MAP3K10: variants seen among roughly 807,000 people sequenced by gnomAD.
The protein encoded by MAP3K10 is mitogen-activated protein kinase kinase kinase 10.
A neutral mutation model predicts 75.0 loss-of-function variants in MAP3K10; 22 were observed. The ratio of observed to expected loss-of-function variants is 0.29; its 90% CI spans 0.21 to 0.42. The LOEUF (loss-of-function observed/expected upper bound fraction) is 0.42. MAP3K10 is among the 10% of genes least tolerant of loss of function. The probability of loss-of-function intolerance (pLI) is 1.00; values close to 1 mark genes in which losing one functional copy is unlikely to be tolerated. For synonymous variants in MAP3K10, 599 were observed against 612.9 expected (o/e 0.98, Z 0.34); for missense variants, 1,165 against 1,379.8 (o/e 0.84, Z 2.47).
At position 40,213,169 on chromosome 19, in the gene MAP3K10, T is replaced by C. The variant is rs1129156; in HGVS notation, c.1818T>C (p.Phe606=). Residue 606 remains phenylalanine (F), a synonymous_variant, in exon 8 of 10, where the codon TTT becomes TTC. Transcript: ENST00000253055. The surrounding 1 kb of genome is among the most constrained non-coding windows in gnomAD (Gnocchi z 5.7). ...AACACACACCCATCGCCCCTGGCTT[T>C]GCCAGCCTCAATGAGATGGGTAAGA... ...SPKHTPIAPG[F]ASLNEMEEFA... 1,163,953 of 1,582,998 alleles carry C rather than the reference T, an allele frequency of 0.74. 428,731 individuals are homozygous for C. The highest frequency in any genetic ancestry group is 0.81 in the African/African-American group (60,265 of 74,722).
Position 40,204,176 on chromosome 19 carries a change from G to T in MAP3K10, c.864-309G>T, listed in dbSNP as rs1056462100. 1.2e-4 allele frequency among the ~76,000 whole-genome samples: 19 copies of T among 152,318 alleles called. No homozygotes were observed. Among genetic ancestry groups the T allele is most frequent in the Middle Eastern group, 3.4e-3 (1 of 294 alleles). Reference sequence around the variant, plus strand: ...GTTTGAGACCAGCCTGGGCAACATAGTGAGACCTCCATCTCTACAAAAATA... The same window carrying T: ...GTTTGAGACCAGCCTGGGCAACATATTGAGACCTCCATCTCTACAAAAATA... On this transcript the variant is annotated intron_variant, in intron 2 of 9. Transcript: ENST00000253055. This position sits in a 1 kb window ranked among gnomAD's most constrained non-coding sequence, Gnocchi z 4.3.
Position 40,212,399 on chromosome 19 carries a change from A to G in MAP3K10, c.1553-406A>G, listed in dbSNP as rs985904308. On this transcript the variant is annotated intron_variant, in intron 6 of 9. Transcript: ENST00000253055. This position sits in a 1 kb window ranked among gnomAD's most constrained non-coding sequence, Gnocchi z 4.2. Reference sequence around the variant, plus strand: ...GCAGGGGACACAGAGACAAATACCCATACCATGGCAGCAAACACTGGCACC... The same window carrying G: ...GCAGGGGACACAGAGACAAATACCCGTACCATGGCAGCAAACACTGGCACC... Among the ~76,000 whole-genome samples the G allele has an allele frequency of 1.1e-4, 16 of 152,136 alleles. No homozygotes were observed. Among genetic ancestry groups the G allele is most frequent in the Non-Finnish European group, 1.5e-5 (1 of 68,028 alleles).
chr19:40,209,499 G>A (rs774317787), intron 6 of MAP3K10, among the ~76,000 whole-genome samples: 16 of 149,594 alleles, frequency 1.1e-4, no homozygotes, highest in Admixed American at 6.7e-5. Context: ...TGCAACCTCC[G>A]CCTCCTGGGT....
chr19:40,192,281 C>T lies in MAP3K10; in HGVS notation c.250C>T (p.Pro84Ser). 6.3e-7 allele frequency: 1 copy of T among 1,593,128 alleles called. No homozygotes were observed. The highest frequency in any genetic ancestry group is 8.5e-7 in the Non-Finnish European group (1 of 1,173,220). Residue 84 changes from proline (P) to serine (S), a missense_variant, in exon 1 of 10, where the codon CCC becomes TCC. By Grantham distance (74) the Pro-to-Ser change is moderately conservative. This residue lies in a region of MAP3K10 where 575 missense variants were observed against 793.2 expected (regional missense o/e 0.72). Coordinates refer to ENST00000253055, the MANE Select transcript of MAP3K10 (RefSeq NM_002446.4). This position sits in a 1 kb window ranked among gnomAD's most constrained non-coding sequence, Gnocchi z 7.1. Reference sequence around the variant, plus strand: ...CGTGGCCCCCGGCGCCCCCGCTGCACCCGCGGGCCTCCAGCTGCCCCAGGA... The same window carrying T: ...CGTGGCCCCCGGCGCCCCCGCTGCATCCGCGGGCCTCCAGCTGCCCCAGGA... ...NYVAPGAPAA[P>S]AGLQLPQEIP...
In MAP3K10 at chr19:40,204,600, A is replaced by C. The variant is rs1973081426; in HGVS notation, c.979A>C (p.Thr327Pro). 1.2e-6 allele frequency: 2 copies of C among 1,612,820 alleles called. No homozygotes were observed. The highest frequency in any genetic ancestry group is 1.7e-6 in the Non-Finnish European group (2 of 1,179,486). Residue 327 changes from threonine (T) to proline (P), a missense_variant, in exon 3 of 10, where the codon ACG (threonine) becomes CCG (proline). By Grantham distance (38) the Thr-to-Pro change is conservative. Transcript: ENST00000253055. The surrounding 1 kb of genome is among the most constrained non-coding windows in gnomAD (Gnocchi z 4.3). The part of the protein sequence containing the change: ...MNKLTLPIPS[T>P]CPEPFARLLE... ...TAAGCTGACGCTGCCCATTCCCTCC[A>C]CGTGCCCCGAGCCCTTTGCCCGCCT...
intron 1 of MAP3K10, among the ~76,000 whole-genome samples, chr19:40,195,667 T>C (rs1471121963): frequency 2.0e-5 from 3 of 151,956 alleles, no homozygotes; most frequent in African/African-American, 7.3e-5. Context: ...CTAATTTTTG[T>C]ATTTCTAGTA....
At chr19:40,206,267 T>C in intron 5 of MAP3K10, 110 bp downstream of exon 5, 1 of 1,326,244 alleles carries the variant, frequency 7.5e-7, no homozygotes, top group Non-Finnish European at 1.0e-6. Context: ...GCTAAATATA[T>C]CGCACATAGT....
In MAP3K10 at chr19:40,192,231, G is replaced by A. The variant is rs770139611; in HGVS notation, c.200G>A (p.Arg67His). 1.9e-6 allele frequency: 3 copies of A among 1,604,662 alleles called. No homozygotes were observed. The highest frequency in any genetic ancestry group is 1.7e-6 in the Non-Finnish European group (2 of 1,177,278). ...GWWTGQLPSGRVGVFPSNYVA... is the reference protein window; with the variant it reads ...GWWTGQLPSGHVGVFPSNYVA... ...TGGACCGGGCAGCTCCCCAGCGGCC[G>A]CGTGGGCGTCTTCCCCAGCAACTAC... Residue 67 changes from arginine to histidine, a missense_variant, in exon 1 of 10, where the codon CGC (arginine) becomes CAC (histidine). Arg to His is a conservative substitution (Grantham distance 29). Around this residue, in one of 2 missense-constraint regions of MAP3K10, gnomAD observed 575 missense variants for 793.2 expected, o/e 0.72. Transcript: ENST00000253055. This position sits in a 1 kb window ranked among gnomAD's most constrained non-coding sequence, Gnocchi z 7.1.
chr19:40,200,762 G>A (rs1973003377), intron 2 of MAP3K10, among the ~76,000 whole-genome samples: 1 of 151,682 alleles, frequency 6.6e-6, no homozygotes, highest in Non-Finnish European at 1.5e-5. Flanking sequence ...GAGATTATAG[G>A]CATGCACTGG....
intron 5 of MAP3K10, chr19:40,206,385 A>C: frequency 2.3e-6 from 1 of 434,280 alleles, no homozygotes; most frequent in Non-Finnish European, 3.9e-6. Flanking sequence ...CCTGGGCAAC[A>C]TAGACCCCAT....
At position 40,212,767 on chromosome 19, in the gene MAP3K10, TCCTC is replaced by T. The variant is rs1313672662; in HGVS notation, c.1553-36_1553-33del. On this transcript the variant is annotated intron_variant, in intron 6 of 9. Coordinates refer to ENST00000253055, the MANE Select transcript of MAP3K10 (RefSeq NM_002446.4). The surrounding 1 kb of genome is among the most constrained non-coding windows in gnomAD (Gnocchi z 4.2). Reference sequence around the variant, plus strand: ...AGGCTGGGAGCCCAGTGGGGACAGATCCTCCACCCAGTAACCAAGTGGCTTCTCT... The same window carrying T: ...AGGCTGGGAGCCCAGTGGGGACAGATCACCCAGTAACCAAGTGGCTTCTCT... The T allele has an allele frequency of 1.3e-6, 2 of 1,564,446 alleles. No homozygotes were observed. The highest frequency in any genetic ancestry group is 3.8e-5 in the Admixed American group (2 of 52,448).
At chr19:40,194,616 C>T (rs1972873788) in intron 1 of MAP3K10, among the ~76,000 whole-genome samples, 2 of 152,144 alleles carry the variant, frequency 1.3e-5, no homozygotes, top group Admixed American at 6.5e-5. Flanking sequence ...GGGCTTCCTC[C>T]CGGGGTGATG....
At chr19:40,200,636 T>TTG (rs1972998972) in intron 2 of MAP3K10, among the ~76,000 whole-genome samples, 3 of 148,410 alleles carry the variant, frequency 2.0e-5, no homozygotes, top group East Asian at 4.0e-4. Context: ...TTTTTTTTTT[T>TTG]GGGACAGAGT....
Position 40,192,410 on chromosome 19 carries a change from G to A in MAP3K10, c.379G>A (p.Ala127Thr), listed in dbSNP as rs369104373. Residue 127 changes from alanine to threonine, a missense_variant, in exon 1 of 10, where the codon GCC (alanine) becomes ACC (threonine). Ala to Thr is a moderately conservative substitution (Grantham distance 58, BLOSUM62 0). Transcript: ENST00000253055. This position sits in a 1 kb window ranked among gnomAD's most constrained non-coding sequence, Gnocchi z 7.1. The stretch of plus-strand genomic sequence containing the variant: ...TGGCGAGGAGGTGGCAGTCAAGGCC[G>A]CCCGGCTGGACCCTGAGAAGGACCC... ...WRGEEVAVKA[A>T]RLDPEKDPAV... 3 of 1,613,928 alleles carry A rather than the reference G, an allele frequency of 1.9e-6. No individual in the cohort carries two copies. The highest frequency in any genetic ancestry group is 2.2e-5 in the South Asian group (2 of 91,090).
intron 1 of MAP3K10, among the ~76,000 whole-genome samples, chr19:40,193,969 T>G (rs1459432703): frequency 6.6e-6 from 1 of 152,180 alleles, no homozygotes; most frequent in Non-Finnish European, 1.5e-5. Flanking sequence ...CCCACTATTT[T>G]TAGGAATATA....
chr19:40,213,336 G>A lies in MAP3K10; in HGVS notation c.1837+148G>A, dbSNP rs1050901707. 2 of 1,449,708 alleles carry A rather than the reference G, an allele frequency of 1.4e-6. No homozygotes were observed. The highest frequency in any genetic ancestry group is 1.8e-6 in the Non-Finnish European group (2 of 1,106,010). 89.8% of individuals were successfully genotyped at this position (1,449,708 alleles called of 1,614,324 possible). A position where few individuals can be genotyped will look rare whatever the true frequency, so the allele number is the denominator to read the frequency against. ...AGATGGTGGCCCCTGGGGCGTGGGG[G>A]GTCATTTCCAGGGGCAGGGACCACC... On this transcript the variant is annotated intron_variant, in intron 8 of 9. Coordinates refer to ENST00000253055, the MANE Select transcript of MAP3K10 (RefSeq NM_002446.4). The surrounding 1 kb of genome is among the most constrained non-coding windows in gnomAD (Gnocchi z 5.7).
chr19:40,211,879 A>G (rs1973247166), intron 6 of MAP3K10, among the ~76,000 whole-genome samples: 1 of 152,198 alleles, frequency 6.6e-6, no homozygotes, highest in South Asian at 2.1e-4. Context: ...CTGCACCACC[A>G]TGCCTGGCTA....
Position 40,212,139 on chromosome 19 carries a change from A to T in MAP3K10, c.1553-666A>T, listed in dbSNP as rs1973252159. Reference sequence around the variant, plus strand: ...TGGCTGCTGTAAGAAATAAAGGTGGAGAAAGCAGTGAGATGATGGAGGCCA... The same window carrying T: ...TGGCTGCTGTAAGAAATAAAGGTGGTGAAAGCAGTGAGATGATGGAGGCCA... On this transcript the variant is annotated intron_variant, in intron 6 of 9. Transcript: ENST00000253055. The surrounding 1 kb of genome is among the most constrained non-coding windows in gnomAD (Gnocchi z 4.2). Among the ~76,000 whole-genome samples, 1 of 152,226 alleles carries T rather than the reference A, an allele frequency of 6.6e-6. No individual in the cohort carries two copies. The highest frequency in any genetic ancestry group is 1.5e-5 in the Non-Finnish European group (1 of 68,036).
rs770358225 is a variant in MAP3K10 at position 40,212,328 on chromosome 19, CTCTG to C, written c.1553-472_1553-469del. 5.7e-4 allele frequency among the ~76,000 whole-genome samples: 87 copies of C among 152,336 alleles called. No individual in the cohort carries two copies. Among genetic ancestry groups the C allele is most frequent in the Admixed American group, 1.2e-3 (19 of 15,302 alleles). On this transcript the variant is annotated intron_variant, in intron 6 of 9. Coordinates refer to ENST00000253055, the MANE Select transcript of MAP3K10 (RefSeq NM_002446.4). The surrounding 1 kb of genome is among the most constrained non-coding windows in gnomAD (Gnocchi z 4.2). ...TGTCCCCACCCACAGCCCCCCTGCC[CTCTG>C]TCTGGGCACCTGCTTTGTACCAGGC...
Sources: gnomAD v4.1 joint callset for allele counts (sites outside exome capture counted in the v4.1 genomes callset) on GRCh38, gnomAD v4.1.1 for gene constraint, gnomAD v4.1.1 regional missense constraint, Gnocchi (gnomAD v3.1) non-coding constraint, MANE v1.5 for transcripts, NCBI Gene and HGNC (gene_info 2026-07-23, HGNC 2026-07-21) for gene names.